Variants in DNAJC27 observed in about 807,000 individuals in gnomAD.
DNAJC27 encodes the protein DnaJ heat shock protein family (Hsp40) member C27.
Under a neutral mutation model 31.4 loss-of-function variants are expected in DNAJC27, and 25 were observed. The ratio of observed to expected loss-of-function variants is 0.80; its 90% CI spans 0.58 to 1.11. The LOEUF (loss-of-function observed/expected upper bound fraction) is 1.11, where lower values mean the gene tolerates loss of function less well. Among genes scored for constraint, DNAJC27 ranks in the 50% most tolerant of loss-of-function variants. The pLI, the probability that DNAJC27 is intolerant of heterozygous loss-of-function variation, is 0.00. For missense variants in DNAJC27, 356 were observed against 347.3 expected (o/e 1.02, Z -0.20); for synonymous variants, 106 against 112.7 (o/e 0.94, Z 0.37).
At chr2:24,968,308 C>G (rs907921958) in intron 1 of DNAJC27, among the ~76,000 whole-genome samples, 9 of 152,034 alleles carry the variant, frequency 5.9e-5, no homozygotes, top group African/African-American at 1.9e-4. Context: ...TTTTAATTTG[C>G]TGTTTGAGTC....
chr2:24,965,969 G>T (rs1666170274), intron 2 of DNAJC27, among the ~76,000 whole-genome samples: 1 of 152,038 alleles, frequency 6.6e-6, no homozygotes, highest in East Asian at 1.9e-4. Context: ...AATTTTCAGG[G>T]AGTTTATAAT....
chr2:24,964,990 G>A (rs1323460624), intron 2 of DNAJC27, among the ~76,000 whole-genome samples: 2 of 152,024 alleles, frequency 1.3e-5, no homozygotes, highest in African/African-American at 2.4e-5. Flanking sequence ...GACGGATCAC[G>A]AGGTCAGGAG....
intron 1 of DNAJC27, chr2:24,969,512 C>T (rs889380794): frequency 1.2e-5 from 2 of 165,524 alleles, no homozygotes; most frequent in African/African-American, 4.8e-5. Flanking sequence ...GAGTCTCACT[C>T]TGTCGCCTAG....
intron 5 of DNAJC27, among the ~76,000 whole-genome samples, chr2:24,954,071 A>G (rs1385542283): frequency 6.6e-6 from 1 of 152,144 alleles, no homozygotes; most frequent in Non-Finnish European, 1.5e-5. Flanking sequence ...CACAAGTCTC[A>G]TTGAGCTAAG....
chr2:24,964,832 A>G (rs1291065630), intron 2 of DNAJC27, among the ~76,000 whole-genome samples: 1 of 152,220 alleles, frequency 6.6e-6, no homozygotes, highest in Non-Finnish European at 1.5e-5. Context: ...GAACAAAACT[A>G]TCTTAAATAG....
intron 2 of DNAJC27, among the ~76,000 whole-genome samples, chr2:24,964,174 A>G (rs1666118882): frequency 6.6e-6 from 1 of 152,126 alleles, no homozygotes; most frequent in African/African-American, 2.4e-5. Flanking sequence ...TAATCCCAGC[A>G]CTGTGGGAGG....
intron 1 of DNAJC27, among the ~76,000 whole-genome samples, chr2:24,967,996 G>A (rs1030733645): frequency 3.5e-5 from 5 of 143,354 alleles, no homozygotes; most frequent in African/African-American, 1.3e-4. Context: ...AGGCTGCAGT[G>A]AGCCACGATG....
intron 2 of DNAJC27, among the ~76,000 whole-genome samples, chr2:24,964,721 T>C (rs900993688): frequency 6.6e-6 from 1 of 152,240 alleles, no homozygotes; most frequent in Non-Finnish European, 1.5e-5. Flanking sequence ...AAAAAATTTC[T>C]GCCAGAAACA....
At chr2:24,954,873 T>C (rs1259361873) in intron 5 of DNAJC27, among the ~76,000 whole-genome samples, 1 of 152,092 alleles carries the variant, frequency 6.6e-6, no homozygotes, top group Admixed American at 6.5e-5. Flanking sequence ...GAGGCGGAGC[T>C]TGCCATGAGC....
intron 5 of DNAJC27, among the ~76,000 whole-genome samples, 171 bp downstream of exon 5, chr2:24,956,872 C>T (rs890787326): frequency 1.3e-5 from 2 of 152,182 alleles, no homozygotes; most frequent in Non-Finnish European, 2.9e-5. Context: ...CATTCTCATT[C>T]TCTCTTCCTT....
chr2:24,956,249 A>G (rs889842327), intron 5 of DNAJC27, among the ~76,000 whole-genome samples: 2 of 152,246 alleles, frequency 1.3e-5, no homozygotes, highest in Admixed American at 6.5e-5. Flanking sequence ...TTCCCAAAAT[A>G]TCAGATATAT....
At chr2:24,970,634 T>G (rs1221029497) in intron 1 of DNAJC27, among the ~76,000 whole-genome samples, 1 of 151,786 alleles carries the variant, frequency 6.6e-6, no homozygotes, top group African/African-American at 2.4e-5. Context: ...CTGGCTAATT[T>G]TGCATTTTTA....
intron 1 of DNAJC27, chr2:24,971,537 G>A (rs1426541862): frequency 3.5e-6 from 1 of 281,886 alleles, no homozygotes; most frequent in South Asian, 1.0e-4. Context: ...GCCCCTCATG[G>A]GGACCCAGGC....
rs1390550612 is a variant in DNAJC27 at position 24,967,255 on chromosome 2, C to A, written c.126G>T (p.Val42=). Reference sequence around the variant, plus strand: ...TTCCAATTGTTGCCAGGTATTTAGACACGAATCTTTTCTCACAGTATCGCT... The same window carrying A: ...TTCCAATTGTTGCCAGGTATTTAGAAACGAATCTTTTCTCACAGTATCGCT... ...IIKRYCEKRF[V]SKYLATIGID... is the part of the protein sequence containing the mutation. Residue 42 remains valine, a synonymous_variant, in exon 2 of 7, where the codon GTG becomes GTT. Transcript: ENST00000264711. 6.2e-7 allele frequency: 1 copy of A among 1,613,798 alleles called. No individual in the cohort carries two copies. Among genetic ancestry groups the A allele is most frequent in the Non-Finnish European group, 8.5e-7 (1 of 1,179,856 alleles).
At chr2:24,966,428 C>T (rs1208111691) in intron 2 of DNAJC27, among the ~76,000 whole-genome samples, 1 of 152,136 alleles carries the variant, frequency 6.6e-6, no homozygotes, top group East Asian at 1.9e-4. Flanking sequence ...AGATAAATCC[C>T]CAATTGGACC....
chr2:24,948,538 A>G (rs1665697759), intron 6 of DNAJC27, among the ~76,000 whole-genome samples: 1 of 152,206 alleles, frequency 6.6e-6, no homozygotes, highest in Non-Finnish European at 1.5e-5. Context: ...CAGAATGACA[A>G]TGAGCTCACG....
chr2:24,954,460 A>G (rs1665857421), intron 5 of DNAJC27, among the ~76,000 whole-genome samples: 2 of 152,354 alleles, frequency 1.3e-5, no homozygotes, highest in South Asian at 2.1e-4. Context: ...AAGATCTGCA[A>G]AAGAGACAGA....
In DNAJC27 at chr2:24,957,177, G is replaced by T; in HGVS notation, c.406-12C>A. 6.3e-7 allele frequency: 1 copy of T among 1,584,562 alleles called. No individual in the cohort carries two copies. Among genetic ancestry groups the T allele is most frequent in the South Asian group, 1.2e-5 (1 of 86,232 alleles). On this transcript the variant is annotated splice_polypyrimidine_tract_variant and intron_variant, in intron 4 of 6. Transcript: ENST00000264711. ...TTGGTACAATCAATCTGAAATAGAA[G>T]GGGCGGGGGACAGAGAGAAGATTAC... is the stretch of plus-strand genomic sequence containing the variant.
Position 24,944,693 on chromosome 2 carries a change from G to A in DNAJC27, c.*2923C>T, listed in dbSNP as rs1376277143. The stretch of plus-strand genomic sequence containing the variant: ...AAAACTAAGGACACATTGATATAGA[G>A]AAATAAAATAACAATGCTGAAGTCA... On this transcript the variant is annotated 3_prime_UTR_variant, in exon 7 of 7. Transcript: ENST00000264711. 6.6e-6 allele frequency: 1 copy of A among 152,536 alleles called. No individual in the cohort carries two copies. The highest frequency in any genetic ancestry group is 6.6e-5 in the Admixed American group (1 of 15,254). 9.4% of individuals were successfully genotyped at this position (152,536 alleles called of 1,614,324 possible). A position where few individuals can be genotyped will look rare whatever the true frequency, so the allele number is the denominator to read the frequency against.
Sources: gnomAD v4.1 joint callset for allele counts (sites outside exome capture counted in the v4.1 genomes callset) on GRCh38, gnomAD v4.1.1 for gene constraint, MANE v1.5 for transcripts, NCBI Gene and HGNC (gene_info 2026-07-23, HGNC 2026-07-21) for gene names.